The following PAICS variants were observed in gnomAD, a reference collection of about 807,000 sequenced individuals.
PAICS encodes the protein phosphoribosylaminoimidazole carboxylase and phosphoribosylaminoimidazolesuccinocarboxamide synthase.
In PAICS, 33 loss-of-function variants were observed where a neutral mutation model predicts 53.7. The observed-to-expected ratio is 0.61, with a 90% CI of 0.47 to 0.82. PAICS has a LOEUF of 0.82. PAICS is among the 40% of genes least tolerant of loss of function. PAICS has a pLI of 0.00. For missense variants in PAICS, 394 were observed against 494.1 expected, an observed-to-expected ratio of 0.80 and a Z score of 1.92; for synonymous variants, 141 against 167.2, an observed-to-expected ratio of 0.84 and a Z score of 1.21.
the PAICS span, chr4:56,421,942 C>T: frequency 2.0e-5 from 3 of 152,094 alleles, no homozygotes; most frequent in African/African-American, 7.2e-5. Flanking sequence ...ATATTAGGGT[C>T]CCTTTAAAAA....
At chr4:56,422,436 A>T in the PAICS span, 2 of 151,114 alleles carry the variant, frequency 1.3e-5, no homozygotes, top group Middle Eastern at 3.4e-3. Flanking sequence ...ATAAAAAACA[A>T]GGTCTTGACA....
chr4:56,433,982 G>A (rs1238767419), upstream of PAICS, among the ~76,000 whole-genome samples: 4 of 152,072 alleles, frequency 2.6e-5, no homozygotes, highest in East Asian at 7.7e-4. Flanking sequence ...GAGCCACCGC[G>A]CCTGGCCATA....
At position 56,455,302 on chromosome 4, in the gene PAICS, TAGG is replaced by T. The variant is rs374144553; in HGVS notation, c.1111+1544_1111+1546del. 5.1e-3 allele frequency among the ~76,000 whole-genome samples: 774 copies of T among 152,338 alleles called. 3 individuals carry two copies. The highest frequency in any genetic ancestry group is 0.034 in the Middle Eastern group (10 of 294). ...TTTATGAGGGTCAATATTGTTTCAG[TAGG>T]AGATTTGCTTTATTACTAAAATCCC... On this transcript the variant is annotated intron_variant, in intron 8 of 8. Transcript: ENST00000512576.
the PAICS span, among the ~76,000 whole-genome samples, chr4:56,414,013 T>C: frequency 6.6e-6 from 1 of 152,240 alleles, no homozygotes; most frequent in Non-Finnish European, 1.5e-5. Flanking sequence ...ACCAGTAAGG[T>C]AGAACACTTT....
intron 2 of PAICS, among the ~76,000 whole-genome samples, chr4:56,443,527 C>CT (rs990383206): frequency 1.8e-4 from 28 of 152,240 alleles, no homozygotes; most frequent in African/African-American, 6.5e-4. Context: ...AGTTTTAACT[C>CT]TCCCCATTCA....
rs527261913 is a variant in PAICS, at chr4:56,453,347, C to G, written c.953-256C>G. 7.9e-5 allele frequency among the ~76,000 whole-genome samples: 12 copies of G among 152,204 alleles called. No individual in the cohort carries two copies. The South Asian group carries it at 2.5e-3, about 32-fold the overall frequency. ...ATTCCCTCACTGACACCCTGCTATC[C>G]CCTTTATAATGTAGATCTCAAAAAC... On this transcript the variant is annotated intron_variant, in intron 7 of 8. Coordinates refer to ENST00000512576, the MANE Select transcript of PAICS (RefSeq NM_001079524.2).
intron 8 of PAICS, among the ~76,000 whole-genome samples, chr4:56,458,894 G>A (rs753499115): frequency 6.6e-6 from 1 of 151,978 alleles, no homozygotes; most frequent in Non-Finnish European, 1.5e-5. Flanking sequence ...ATTATTCTAC[G>A]GATTTGACTT....
At chr4:56,426,153 A>G in the PAICS span, among the ~76,000 whole-genome samples, 2 of 152,208 alleles carry the variant, frequency 1.3e-5, no homozygotes, top group African/African-American at 2.4e-5. Context: ...CTGTAATCCC[A>G]ACACTGTGGG....
the PAICS span, among the ~76,000 whole-genome samples, chr4:56,411,512 C>T: frequency 4.6e-5 from 7 of 152,148 alleles, no homozygotes; most frequent in African/African-American, 1.7e-4. Flanking sequence ...GGTTTCTTGA[C>T]GTGCTGTGTT....
the PAICS span, among the ~76,000 whole-genome samples, chr4:56,427,430 C>T: frequency 6.6e-6 from 1 of 152,118 alleles, no homozygotes; most frequent in African/African-American, 2.4e-5. Context: ...TACCTGTTTT[C>T]CACCATGACT....
intron 2 of PAICS, among the ~76,000 whole-genome samples, chr4:56,443,011 G>T (rs531001844): frequency 3.9e-5 from 6 of 152,096 alleles, no homozygotes; most frequent in Admixed American, 2.6e-4. Context: ...GTGTATTGCT[G>T]TAAATTTAAA....
At chr4:56,428,077 A>G in the PAICS span, among the ~76,000 whole-genome samples, 2 of 152,250 alleles carry the variant, frequency 1.3e-5, no homozygotes, top group Admixed American at 6.5e-5. Context: ...TCTGTCTTAT[A>G]ATTTTTAGAA....
chr4:56,422,283 T>TA, the PAICS span: 4 of 151,800 alleles, frequency 2.6e-5, no homozygotes, highest in Non-Finnish European at 4.4e-5. Context: ...CAAAAACAAA[T>TA]AAATAATCTA....
chr4:56,449,975 CAAAA>C (rs201486050), intron 5 of PAICS, among the ~76,000 whole-genome samples: 1 of 114,458 alleles, frequency 8.7e-6, no homozygotes, highest in African/African-American at 3.1e-5. Context: ...ACTCTGTCTC[CAAAA>C]AAAAAAAAAG....
chr4:56,413,127 G>A, the PAICS span, among the ~76,000 whole-genome samples: 1 of 148,336 alleles, frequency 6.7e-6, no homozygotes, highest in African/African-American at 2.5e-5. Flanking sequence ...GTTTTTTGTT[G>A]TTGTTGTTTT....
intron 6 of PAICS, 180 bp downstream of exon 6, chr4:56,450,882 A>G (rs910557888): frequency 1.0e-5 from 5 of 488,868 alleles, no homozygotes; most frequent in South Asian, 5.3e-5. Flanking sequence ...CAGTGGCGCC[A>G]TCTCAGCTCA....
the PAICS span, among the ~76,000 whole-genome samples, chr4:56,411,385 T>C: frequency 6.6e-6 from 1 of 152,244 alleles, no homozygotes; most frequent in Admixed American, 6.5e-5. Flanking sequence ...CACTATTTCA[T>C]TACTTGTTTA....
chr4:56,447,636 G>C (rs1488779554), intron 3 of PAICS, among the ~76,000 whole-genome samples: 1 of 152,140 alleles, frequency 6.6e-6, no homozygotes, highest in African/African-American at 2.4e-5. Flanking sequence ...TCTGATGACT[G>C]TTATTAAGGA....
chr4:56,425,383 T>C, the PAICS span: 4 of 840,618 alleles, frequency 4.8e-6, no homozygotes, highest in Non-Finnish European at 5.7e-6. Context: ...TACATCCAGA[T>C]AGAGAAGAAC....
Sources: allele counts gnomAD v4.1 joint callset (sites outside exome capture counted in the v4.1 genomes callset), GRCh38; gene constraint gnomAD v4.1.1; transcripts MANE v1.5; gene names NCBI Gene and HGNC (gene_info 2026-07-23, HGNC 2026-07-21).